SNTG2: variants seen among roughly 807,000 people sequenced by gnomAD.
SNTG2 encodes syntrophin gamma 2.
SNTG2 carries 74 observed loss-of-function variants against 70.9 expected under a neutral mutation model. That is an observed-to-expected ratio of 1.04 (90% CI 0.86 to 1.27). SNTG2 has a LOEUF of 1.27. SNTG2 is among the 50% of genes most tolerant of loss of function. SNTG2 has a pLI of 0.00. For synonymous variants in SNTG2, 278 were observed against 273.8 expected, an observed-to-expected ratio of 1.02 and a Z score of -0.15; for missense variants, 717 against 690.7, an observed-to-expected ratio of 1.04 and a Z score of -0.43.
At chr2:1,266,145 CAA>C (rs1572891375) in intron 13 of SNTG2, among the ~76,000 whole-genome samples, 1 of 151,826 alleles carries the variant, frequency 6.6e-6, no homozygotes, top group African/African-American at 2.4e-5. Flanking sequence ...GAAAGAGACA[CAA>C]AGAGAGACAG....
chr2:1,041,844 CGTCAGCA>C (rs1661457431), intron 1 of SNTG2, among the ~76,000 whole-genome samples: 1 of 152,160 alleles, frequency 6.6e-6, no homozygotes, highest in Admixed American at 6.5e-5. Context: ...ACACACTAGC[CGTCAGCA>C]ATACCTGTCA....
At chr2:1,234,956 G>A (rs1419070479) in intron 9 of SNTG2, among the ~76,000 whole-genome samples, 6 of 152,230 alleles carry the variant, frequency 3.9e-5, no homozygotes, top group Non-Finnish European at 7.3e-5. Context: ...TGGTGCATAC[G>A]TCACCAACCC....
At chr2:1,215,898 G>A (rs1674358774) in intron 9 of SNTG2, among the ~76,000 whole-genome samples, 1 of 152,022 alleles carries the variant, frequency 6.6e-6, no homozygotes, top group Non-Finnish European at 1.5e-5. Flanking sequence ...CATTTTTTAT[G>A]GCTGCATGGT....
At chr2:1,244,575 G>A (rs1040323215) in intron 11 of SNTG2, among the ~76,000 whole-genome samples, 9 of 151,160 alleles carry the variant, frequency 6.0e-5, no homozygotes, top group Admixed American at 1.3e-4. Context: ...GGGCGCCTCT[G>A]GTCCCAGCTA....
intron 6 of SNTG2, among the ~76,000 whole-genome samples, chr2:1,147,294 G>A (rs1228241778): frequency 6.6e-6 from 1 of 152,190 alleles, no homozygotes; most frequent in Non-Finnish European, 1.5e-5. Context: ...GTGTCTGTGA[G>A]GGTGTTGCCA....
chr2:1,065,814 A>G (rs778568010), intron 1 of SNTG2, among the ~76,000 whole-genome samples: 3 of 152,192 alleles, frequency 2.0e-5, no homozygotes, highest in Non-Finnish European at 2.9e-5. Flanking sequence ...TTTGAATTCC[A>G]TGTAGATTTT....
intron 9 of SNTG2, among the ~76,000 whole-genome samples, chr2:1,213,381 T>TA (rs1246292693): frequency 4.6e-5 from 7 of 152,208 alleles, no homozygotes; most frequent in Admixed American, 3.9e-4. Context: ...AAATAAGAGT[T>TA]AGATTCTTAC....
intron 1 of SNTG2, among the ~76,000 whole-genome samples, chr2:976,817 C>A (rs1660921323): frequency 2.0e-5 from 3 of 152,154 alleles, no homozygotes; most frequent in Non-Finnish European, 4.4e-5. Flanking sequence ...ATCCGTCTCC[C>A]TCCCTGCCTT....
At chr2:1,365,877 C>T (rs1464609746) in intron 16 of SNTG2, among the ~76,000 whole-genome samples, 1 of 152,096 alleles carries the variant, frequency 6.6e-6, no homozygotes, top group Non-Finnish European at 1.5e-5. Flanking sequence ...AAAGCAGCTC[C>T]GAAAAGCTGA....
chr2:1,050,793 A>T (rs1196616304), intron 1 of SNTG2, among the ~76,000 whole-genome samples: 1 of 152,170 alleles, frequency 6.6e-6, no homozygotes, highest in Non-Finnish European at 1.5e-5. Flanking sequence ...TAATTCATCA[A>T]ATCCATAAAC....
intron 12 of SNTG2, among the ~76,000 whole-genome samples, chr2:1,258,022 A>T (rs1430341218): frequency 1.3e-5 from 2 of 152,200 alleles, no homozygotes; most frequent in Non-Finnish European, 2.9e-5. Flanking sequence ...AAAGATAAAA[A>T]TGGTGGATCC....
chr2:1,083,729 TTCAAGAATGATTGCTGA>T, intron 2 of SNTG2, 74 bp downstream of exon 2: 1 of 1,543,346 alleles, frequency 6.5e-7, no homozygotes, highest in Non-Finnish European at 8.9e-7. Context: ...AAAAGTGTGG[TTCAAGAATGATTGCTGA>T]GCAAAAGCTG....
chr2:1,023,963 C>T (rs1190351091), intron 1 of SNTG2, among the ~76,000 whole-genome samples: 1 of 152,204 alleles, frequency 6.6e-6, no homozygotes, highest in African/African-American at 2.4e-5. Context: ...CTGGTGTGTG[C>T]TTTACACCAG....
intron 14 of SNTG2, among the ~76,000 whole-genome samples, chr2:1,295,776 A>G (rs1280997442): frequency 0.021 from 1,645 of 79,400 alleles, no homozygotes; most frequent in Middle Eastern, 0.071. Context: ...AGTCTCCTGT[A>G]TTGGGGTGGG....
At chr2:1,222,121 CTCTG>C (rs1413257973) in intron 9 of SNTG2, among the ~76,000 whole-genome samples, 2 of 120,460 alleles carry the variant, frequency 1.7e-5, no homozygotes, top group Non-Finnish European at 3.4e-5. Flanking sequence ...CTCTGTCTCT[CTCTG>C]TCTCTCTCTG....
chr2:1,146,356 A>G (rs979712495), intron 6 of SNTG2, among the ~76,000 whole-genome samples: 2 of 148,580 alleles, frequency 1.3e-5, no homozygotes, highest in African/African-American at 5.0e-5. Flanking sequence ...AATATGTATA[A>G]TGTTTAAATG....
At chr2:979,959 A>C (rs1661046451) in intron 1 of SNTG2, among the ~76,000 whole-genome samples, 1 of 152,208 alleles carries the variant, frequency 6.6e-6, no homozygotes, top group Non-Finnish European at 1.5e-5. Context: ...TAAATAATTA[A>C]GTATATAAAA....
chr2:1,060,995 A>G (rs1355793471), intron 1 of SNTG2, among the ~76,000 whole-genome samples: 4 of 152,222 alleles, frequency 2.6e-5, no homozygotes, highest in African/African-American at 7.2e-5. Flanking sequence ...ACAAATGAGA[A>G]GGACAACAGT....
At chr2:1,339,170 T>C (rs765458249) in intron 16 of SNTG2, among the ~76,000 whole-genome samples, 2 of 152,234 alleles carry the variant, frequency 1.3e-5, no homozygotes, top group Non-Finnish European at 2.9e-5. Context: ...GTGTCTTCTT[T>C]GGAGAAACTT....
Sources: gnomAD v4.1 joint callset for allele counts (sites outside exome capture counted in the v4.1 genomes callset) on GRCh38, gnomAD v4.1.1 for gene constraint, MANE v1.5 for transcripts, NCBI Gene and HGNC (gene_info 2026-07-23, HGNC 2026-07-21) for gene names.